The following PHF6 variants were observed in gnomAD, a reference collection of about 807,000 sequenced individuals.
The protein encoded by PHF6 is PHD-like zinc finger protein.
PHF6 carries 7 observed loss-of-function variants against 34.0 expected under a neutral mutation model. That is an observed-to-expected ratio of 0.21 (90% confidence interval 0.12 to 0.39). The LOEUF is 0.39. Ranked by LOEUF, PHF6 falls within the 10% of genes least tolerant of loss-of-function variation. PHF6 has a pLI of 1.00. For missense variants in PHF6, 128 were observed against 262.8 expected (o/e 0.49, Z 3.55); for synonymous variants, 89 against 88.4 (o/e 1.01, Z -0.04).
intron 5 of PHF6, among the ~76,000 whole-genome samples, chrX:134,403,810 CTG>C (rs59942075): frequency 2.0e-3 from 225 of 111,953 alleles, no homozygotes; most frequent in African/African-American, 6.9e-3. Flanking sequence ...TAAATCTACT[CTG>C]TTTATACTCT....
chrX:134,422,766 G>A (rs2077496358), intron 9 of PHF6, among the ~76,000 whole-genome samples: 1 of 111,515 alleles, frequency 9.0e-6, no homozygotes, highest in Admixed American at 9.6e-5. Context: ...TTCTGTGACA[G>A]CAGGGACCTT....
At position 134,399,825 on chromosome X, in the gene PHF6, G is replaced by A. The variant is rs745367815; in HGVS notation, c.418+5873G>A. Reference sequence around the variant, plus strand: ...TAGTTTAAATTAGTGCACTCTTGGTGTGGTACATGCTATGGGTTTTGACAT... The same window carrying A: ...TAGTTTAAATTAGTGCACTCTTGGTATGGTACATGCTATGGGTTTTGACAT... On this transcript the variant is annotated intron_variant, in intron 5 of 10. Coordinates refer to ENST00000370803, the MANE Select transcript of PHF6 (RefSeq NM_001015877.2). Among the ~76,000 whole-genome samples the A allele has an allele frequency of 5.4e-5, 6 of 111,144 alleles. 1 individual carries two copies. The South Asian group carries it at 2.3e-3, about 43-fold the overall frequency.
At chrX:134,395,275 C>T (rs752014722) in intron 5 of PHF6, among the ~76,000 whole-genome samples, 8 of 112,435 alleles carry the variant, frequency 7.1e-5, no homozygotes, top group Non-Finnish European at 1.3e-4. Context: ...TTTTTATTCA[C>T]ATCTGTAGTA....
chrX:134,375,605 T>C (rs1276364747), intron 1 of PHF6, among the ~76,000 whole-genome samples: 1 of 112,207 alleles, frequency 8.9e-6, no homozygotes, highest in Non-Finnish European at 1.9e-5. Flanking sequence ...TGATTTATAC[T>C]GTGCCATCCT....
At chrX:134,419,775 CT>C (rs972893531) in intron 9 of PHF6, 14 of 111,673 alleles carry the variant, frequency 1.3e-4, no homozygotes, top group African/African-American at 4.6e-4. Flanking sequence ...TTATGTTCCC[CT>C]CTAATTGAGA....
chrX:134,383,554 GTTTTCCTGCT>G (rs2077317011), intron 3 of PHF6, among the ~76,000 whole-genome samples: 1 of 111,611 alleles, frequency 9.0e-6, no homozygotes, highest in African/African-American at 3.3e-5. Context: ...CCTCTGAACA[GTTTTCCTGCT>G]TTTTCTAGTA....
chrX:134,388,441 G>A (rs2077340681), intron 3 of PHF6, among the ~76,000 whole-genome samples: 1 of 111,308 alleles, frequency 9.0e-6, no homozygotes, highest in Admixed American at 9.6e-5. Context: ...GCTCAAGAAC[G>A]TGACCTCTTT....
intron 3 of PHF6, among the ~76,000 whole-genome samples, chrX:134,384,902 T>C (rs6654673): frequency 0.3 from 33,420 of 110,165 alleles, 4,365 homozygotes; most frequent in East Asian, 0.65. Context: ...CCGCCCGCCT[T>C]GGCCTCCCAA....
chrX:134,375,624 G>T (rs183417467), intron 1 of PHF6, among the ~76,000 whole-genome samples: 2 of 111,788 alleles, frequency 1.8e-5, no homozygotes, highest in African/African-American at 3.2e-5. Context: ...CTTTCAACTG[G>T]CCAGGATGAC....
chrX:134,390,966 C>CTTTT (rs60513999), intron 3 of PHF6, among the ~76,000 whole-genome samples: 1 of 92,822 alleles, frequency 1.1e-5, no homozygotes, highest in African/African-American at 3.9e-5. Context: ...TTCTTTTTTT[C>CTTTT]TTTTTTTTTT....
At chrX:134,380,712 A>G (rs1290475604) in intron 3 of PHF6, among the ~76,000 whole-genome samples, 1 of 111,803 alleles carries the variant, frequency 8.9e-6, no homozygotes, top group African/African-American at 3.3e-5. Context: ...TGTTTTCCTC[A>G]CCTGCAAAAG....
chrX:134,395,078 C>G (rs970877902), intron 5 of PHF6, among the ~76,000 whole-genome samples: 3 of 109,347 alleles, frequency 2.7e-5, no homozygotes, highest in Non-Finnish European at 5.7e-5. Flanking sequence ...GTCTGGAACT[C>G]CTGACCTCAG....
At chrX:134,397,684 T>A (rs1354804060) in intron 5 of PHF6, among the ~76,000 whole-genome samples, 2 of 111,249 alleles carry the variant, frequency 1.8e-5, no homozygotes, top group Admixed American at 9.6e-5. Flanking sequence ...ATAAAAAAAA[T>A]ATCTCCCCTA....
At chrX:134,389,901 A>G (rs1481958889) in intron 3 of PHF6, among the ~76,000 whole-genome samples, 1 of 111,793 alleles carries the variant, frequency 8.9e-6, no homozygotes, top group Non-Finnish European at 1.9e-5. Context: ...AAGATCTTCA[A>G]TAATAGAGTA....
intron 3 of PHF6, among the ~76,000 whole-genome samples, chrX:134,379,443 T>C (rs1342680715): frequency 1.2e-5 from 1 of 86,191 alleles, no homozygotes; most frequent in Non-Finnish European, 2.3e-5. Flanking sequence ...TTTTTTTTTT[T>C]TTTTTTTTTT....
chrX:134,385,577 A>G (rs919421628), intron 3 of PHF6, among the ~76,000 whole-genome samples: 1 of 112,152 alleles, frequency 8.9e-6, no homozygotes, highest in African/African-American at 3.2e-5. Context: ...GCTGGATAAT[A>G]GTGTGAAGCC....
intron 5 of PHF6, among the ~76,000 whole-genome samples, chrX:134,410,305 G>GT (rs1339211423): frequency 2.7e-5 from 3 of 111,549 alleles, no homozygotes; most frequent in Non-Finnish European, 5.7e-5. Flanking sequence ...AGCATCTATT[G>GT]TTTTTTGACT....
chrX:134,409,654 CTT>C (rs778317563), intron 5 of PHF6, among the ~76,000 whole-genome samples: 11 of 101,580 alleles, frequency 1.1e-4, no homozygotes, highest in Non-Finnish European at 6.0e-5. Context: ...TTTATTGTAC[CTT>C]TTTTTTTTTT....
In PHF6 at chrX:134,389,927, A is replaced by G. The variant is rs766896213; in HGVS notation, c.241-3574A>G. ...TAATAGAGTATGTTTGCAATGACAT[A>G]CTTACTGAACAGTACTTTGTAAGGC... is the stretch of plus-strand genomic sequence containing the variant. On this transcript the variant is annotated intron_variant, in intron 3 of 10. Transcript: ENST00000370803. 2.7e-5 allele frequency among the ~76,000 whole-genome samples: 3 copies of G among 111,997 alleles called. No homozygotes were observed. The Admixed American group carries it at 2.9e-4, about 11-fold the overall frequency.
Sources: gnomAD v4.1 joint callset for allele counts (sites outside exome capture counted in the v4.1 genomes callset) on GRCh38, gnomAD v4.1.1 for gene constraint, MANE v1.5 for transcripts, NCBI Gene and HGNC (gene_info 2026-07-23, HGNC 2026-07-21) for gene names.